Variants in PRKG1 observed in about 807,000 individuals in gnomAD.
PRKG1 encodes cGMP-dependent protein kinase 1.
In PRKG1, 35 loss-of-function variants were observed where a neutral mutation model predicts 88.1. The ratio of observed to expected loss-of-function variants is 0.40; its 90% confidence interval spans 0.30 to 0.53. The LOEUF (loss-of-function observed/expected upper bound fraction) is 0.53, where lower values mean the gene tolerates loss of function less well. Among genes scored for constraint, PRKG1 ranks in the 20% least tolerant of loss-of-function variants. The pLI is 0.59. For synonymous variants in PRKG1, 303 were observed against 292.5 expected (o/e 1.04, Z -0.37); for missense variants, 540 against 839.8 (o/e 0.64, Z 4.41).
intron 7 of PRKG1, among the ~76,000 whole-genome samples, chr10:52,071,985 T>C (rs1038373180): frequency 4.6e-5 from 7 of 152,120 alleles, no homozygotes; most frequent in Non-Finnish European, 7.4e-5. Context: ...TGTGTCGAAA[T>C]GCTCCAGGGC....
At chr10:52,008,511 G>C (rs1844798264) in intron 5 of PRKG1, among the ~76,000 whole-genome samples, 1 of 151,976 alleles carries the variant, frequency 6.6e-6, no homozygotes, top group Non-Finnish European at 1.5e-5. Context: ...GTTCACACAA[G>C]CTAGAAAATC....
chr10:52,259,516 G>A (rs900225587), intron 10 of PRKG1, among the ~76,000 whole-genome samples: 2 of 152,114 alleles, frequency 1.3e-5, no homozygotes, highest in Admixed American at 1.3e-4. Context: ...CTCATCAATT[G>A]CATATATTTA....
intron 10 of PRKG1, among the ~76,000 whole-genome samples, chr10:52,269,545 C>T (rs1247657609): frequency 1.3e-5 from 2 of 152,042 alleles, no homozygotes; most frequent in East Asian, 3.9e-4. Flanking sequence ...TCAATCTGTA[C>T]ATGTGTGCAG....
At chr10:51,300,437 A>AT (rs879317088) in intron 2 of PRKG1, among the ~76,000 whole-genome samples, 2 of 152,096 alleles carry the variant, frequency 1.3e-5, no homozygotes, top group Admixed American at 6.5e-5. Flanking sequence ...GTATTTAATG[A>AT]TTTTTTCTCT....
upstream of PRKG1, among the ~76,000 whole-genome samples, chr10:51,071,823 A>G (rs187018949): frequency 2.0e-4 from 31 of 152,360 alleles, no homozygotes; most frequent in Non-Finnish European, 2.6e-4. Context: ...GCTCAAAAAC[A>G]TTAAGTAACC....
At chr10:51,940,743 A>G (rs1408159637) in intron 5 of PRKG1, among the ~76,000 whole-genome samples, 1 of 151,852 alleles carries the variant, frequency 6.6e-6, no homozygotes, top group Non-Finnish European at 1.5e-5. Flanking sequence ...CCATGTTATT[A>G]CTTCCCTTAA....
chr10:52,046,888 A>G (rs1845874971), intron 5 of PRKG1: 1 of 152,182 alleles, frequency 6.6e-6, no homozygotes. Context: ...CAGACTTGGT[A>G]AAGCAGGATT....
intron 1 of PRKG1, among the ~76,000 whole-genome samples, chr10:50,998,559 C>T (rs571120481): frequency 2.6e-5 from 4 of 152,248 alleles, no homozygotes; most frequent in African/African-American, 9.6e-5. Context: ...GCCAGCCTGG[C>T]CAAAATGGTG....
At chr10:52,073,894 T>A (rs1342281189) in intron 7 of PRKG1, among the ~76,000 whole-genome samples, 1 of 152,206 alleles carries the variant, frequency 6.6e-6, no homozygotes, top group Non-Finnish European at 1.5e-5. Flanking sequence ...TATTGATATT[T>A]GTATGGGAGC....
chr10:51,219,517 G>A (rs572176947), intron 2 of PRKG1, among the ~76,000 whole-genome samples: 25 of 151,844 alleles, frequency 1.6e-4, no homozygotes, highest in Non-Finnish European at 3.4e-4. Context: ...AGACCAGCCT[G>A]GCCAACATAG....
rs1369800240 is a variant in PRKG1, at chr10:52,209,996, G to A, written c.1077-41574G>A. 3.9e-5 allele frequency among the ~76,000 whole-genome samples: 6 copies of A among 152,058 alleles called. No homozygotes were observed. The East Asian group carries it at 7.7e-4, about 20-fold the overall frequency. ...GCTGCAATCTTAGCCAAGTTAATGCGGTACCTTAAGATTCCATTTCCTCTT... is the reference window on the plus strand; with the variant it reads ...GCTGCAATCTTAGCCAAGTTAATGCAGTACCTTAAGATTCCATTTCCTCTT... On this transcript the variant is annotated intron_variant, in intron 9 of 17. Coordinates refer to ENST00000373980, the MANE Select transcript of PRKG1 (RefSeq NM_006258.4).
At chr10:51,208,565 A>G (rs1393911773) in intron 2 of PRKG1, among the ~76,000 whole-genome samples, 1 of 152,190 alleles carries the variant, frequency 6.6e-6, no homozygotes. Context: ...GAAATGAGAG[A>G]GAAGCCACTT....
intron 9 of PRKG1, among the ~76,000 whole-genome samples, chr10:52,166,799 ATATATATATGTATATATATG>A (rs1221347021): frequency 2.8e-5 from 2 of 70,800 alleles, no homozygotes; most frequent in African/African-American, 2.2e-4. Flanking sequence ...ATATATATAC[ATATATATATGTATATATATG>A]TATATATATG....
intron 7 of PRKG1, among the ~76,000 whole-genome samples, chr10:52,119,942 A>G (rs1321376274): frequency 8.3e-6 from 1 of 119,770 alleles, no homozygotes; most frequent in African/African-American, 2.6e-5. Flanking sequence ...AGACAGAGAG[A>G]CAGAGATAGA....
At chr10:51,116,591 A>G (rs1462915330) in intron 1 of PRKG1, among the ~76,000 whole-genome samples, 1 of 152,210 alleles carries the variant, frequency 6.6e-6, no homozygotes, top group Non-Finnish European at 1.5e-5. Context: ...AGTGAACAGT[A>G]AAAGGTGTCT....
At chr10:52,233,630 A>G (rs1299501244) in intron 9 of PRKG1, among the ~76,000 whole-genome samples, 1 of 145,810 alleles carries the variant, frequency 6.9e-6, no homozygotes, top group East Asian at 2.1e-4. Context: ...GCGCACCACG[A>G]GACTATATCC....
chr10:51,674,790 A>G (rs1318820482), intron 3 of PRKG1, among the ~76,000 whole-genome samples: 3 of 152,180 alleles, frequency 2.0e-5, no homozygotes, highest in Admixed American at 2.0e-4. Context: ...GTGGGGTTGA[A>G]CAATAGTAAT....
chr10:52,023,472 A>C (rs1845242569), intron 5 of PRKG1, among the ~76,000 whole-genome samples: 1 of 152,192 alleles, frequency 6.6e-6, no homozygotes, highest in South Asian at 2.1e-4. Flanking sequence ...CTAGTTCTAG[A>C]TCCTTGAGGA....
At chr10:51,710,283 T>A (rs2132430995) in intron 3 of PRKG1, among the ~76,000 whole-genome samples, 1 of 152,328 alleles carries the variant, frequency 6.6e-6, no homozygotes, top group Admixed American at 6.5e-5. Flanking sequence ...TTGATTTGTT[T>A]GATTTCCTGA....
Sources: gnomAD v4.1 joint callset for allele counts (sites outside exome capture counted in the v4.1 genomes callset) on GRCh38, gnomAD v4.1.1 for gene constraint, MANE v1.5 for transcripts, NCBI Gene and HGNC (gene_info 2026-07-23, HGNC 2026-07-21) for gene names.